The following LIMCH1 variants were observed in gnomAD, a reference collection of about 807,000 sequenced individuals.
The protein encoded by LIMCH1 is LIM and calponin homology domains 1.
Under a neutral mutation model 176.5 loss-of-function variants are expected in LIMCH1, and 113 were observed. That is an observed-to-expected ratio of 0.64 (90% confidence interval 0.55 to 0.75). LIMCH1 has a LOEUF of 0.75. Ranked by LOEUF, LIMCH1 falls within the 30% of genes least tolerant of loss-of-function variation. The pLI is 0.00. For missense variants in LIMCH1, 1,674 were observed against 1,814.9 expected, an observed-to-expected ratio of 0.92 and a Z score of 1.41; for synonymous variants, 619 against 645.9, an observed-to-expected ratio of 0.96 and a Z score of 0.63.
chr4:41,535,640 G>A (rs769622274), upstream of LIMCH1, among the ~76,000 whole-genome samples: 11 of 152,184 alleles, frequency 7.2e-5, no homozygotes, highest in Non-Finnish European at 1.3e-4. Flanking sequence ...AGGAGTTCAA[G>A]ATACGAATTG....
At chr4:41,473,116 T>TA in intron 1 of LIMCH1, 15 of 985,302 alleles carry the variant, frequency 1.5e-5, no homozygotes, top group Non-Finnish European at 1.8e-5. Context: ...CCCAGTGCCA[T>TA]AAAATGACAA....
chr4:41,505,143 A>G (rs192478396), intron 2 of LIMCH1, among the ~76,000 whole-genome samples: 44 of 152,336 alleles, frequency 2.9e-4, no homozygotes, highest in African/African-American at 8.9e-4. Flanking sequence ...CCGTTCGTCT[A>G]TGTAACAGAG....
chr4:41,603,654 G>A (rs555617775), intron 2 of LIMCH1, among the ~76,000 whole-genome samples: 7 of 152,172 alleles, frequency 4.6e-5, no homozygotes, highest in South Asian at 2.1e-4. Context: ...TTTTTATAGC[G>A]TACTGTGGAA....
At chr4:41,428,516 A>C (rs1582009016) in intron 1 of LIMCH1, among the ~76,000 whole-genome samples, 1 of 152,326 alleles carries the variant, frequency 6.6e-6, no homozygotes, top group Non-Finnish European at 1.5e-5. Context: ...AGAGAAAGCA[A>C]GTAAATTGGG....
At chr4:41,512,092 T>C (rs1248726607) in intron 2 of LIMCH1, among the ~76,000 whole-genome samples, 1 of 152,024 alleles carries the variant, frequency 6.6e-6, no homozygotes, top group Non-Finnish European at 1.5e-5. Context: ...ATGGACAAAA[T>C]ATCGGAATAG....
chr4:41,485,240 G>GGATACA (rs1407785242), intron 1 of LIMCH1, among the ~76,000 whole-genome samples: 3 of 152,174 alleles, frequency 2.0e-5, no homozygotes, highest in African/African-American at 7.2e-5. Context: ...AAAGGAAATA[G>GGATACA]GATACAGATG....
intron 1 of LIMCH1, among the ~76,000 whole-genome samples, chr4:41,465,228 C>T (rs1430027734): frequency 6.6e-6 from 1 of 152,092 alleles, no homozygotes; most frequent in Non-Finnish European, 1.5e-5. Context: ...CATTTGTTGC[C>T]TCCTTTTTGG....
At chr4:41,477,153 G>T (rs2154165030) in intron 1 of LIMCH1, among the ~76,000 whole-genome samples, 1 of 152,298 alleles carries the variant, frequency 6.6e-6, no homozygotes, top group Non-Finnish European at 1.5e-5. Context: ...CTAGCTATAG[G>T]AAATTGGGCA....
At chr4:41,508,974 T>C (rs2074504214) in intron 2 of LIMCH1, among the ~76,000 whole-genome samples, 1 of 152,224 alleles carries the variant, frequency 6.6e-6, no homozygotes, top group African/African-American at 2.4e-5. Flanking sequence ...CCTTGTGTAA[T>C]ATAAAGTACA....
intron 31 of LIMCH1, among the ~76,000 whole-genome samples, chr4:41,695,819 G>C (rs1730202289): frequency 6.6e-6 from 1 of 151,968 alleles, no homozygotes; most frequent in Non-Finnish European, 1.5e-5. Context: ...TATACCTTAG[G>C]AATGAATAGG....
chr4:41,466,073 T>C (rs1367380190), intron 1 of LIMCH1, among the ~76,000 whole-genome samples: 1 of 151,838 alleles, frequency 6.6e-6, no homozygotes, highest in Non-Finnish European at 1.5e-5. Flanking sequence ...ATTCTCCCGT[T>C]TCAGCCTCCT....
chr4:41,589,384 G>C (rs968294835), intron 1 of LIMCH1, among the ~76,000 whole-genome samples: 2 of 152,112 alleles, frequency 1.3e-5, no homozygotes. Flanking sequence ...GGGGTGGTGG[G>C]TGGGGGAGAG....
At chr4:41,520,498 C>T (rs1000072272) in intron 2 of LIMCH1, among the ~76,000 whole-genome samples, 1 of 152,114 alleles carries the variant, frequency 6.6e-6, no homozygotes, top group Non-Finnish European at 1.5e-5. Flanking sequence ...AAATTTTCTT[C>T]TTATTTATTT....
Position 41,369,180 on chromosome 4 carries a change from A to G in LIMCH1, c.96+8244A>G, listed in dbSNP as rs567392967. Among the ~76,000 whole-genome samples the G allele has an allele frequency of 2.0e-5, 3 of 151,682 alleles. No homozygotes were observed. The South Asian group carries it at 6.3e-4, about 32-fold the overall frequency. On this transcript the variant is annotated intron_variant, in intron 1 of 26. Transcript: ENST00000313860. The stretch of plus-strand genomic sequence containing the variant: ...TCAACACTTGAACTACCATTCTTAG[A>G]CCCCCTCCCCCATCTTCCCAGTCTA...
At chr4:41,425,308 C>G (rs879369866) in intron 1 of LIMCH1, among the ~76,000 whole-genome samples, 1 of 152,170 alleles carries the variant, frequency 6.6e-6, no homozygotes. Context: ...ATCCTCTTCT[C>G]TTGGTCTTGG....
intron 1 of LIMCH1, among the ~76,000 whole-genome samples, chr4:41,466,704 A>G (rs1349140531): frequency 1.3e-5 from 2 of 152,156 alleles, no homozygotes; most frequent in African/African-American, 4.8e-5. Context: ...TATTTTCGGA[A>G]TATACCTTCT....
intron 1 of LIMCH1, among the ~76,000 whole-genome samples, chr4:41,581,711 C>A (rs532646769): frequency 6.8e-6 from 1 of 146,556 alleles, no homozygotes; most frequent in African/African-American, 2.5e-5. Flanking sequence ...GAGGTTGAGG[C>A]AGGAGAATCG....
chr4:41,438,758 A>G (rs994856708), intron 1 of LIMCH1, among the ~76,000 whole-genome samples: 2 of 151,954 alleles, frequency 1.3e-5, no homozygotes, highest in African/African-American at 4.8e-5. Flanking sequence ...CTGACTGCAC[A>G]GGATCAGCAT....
At chr4:41,689,443 T>C (rs764341608) in intron 29 of LIMCH1, 84 bp from the exon 30 acceptor site, 6 of 713,166 alleles carry the variant, frequency 8.4e-6, no homozygotes, top group Non-Finnish European at 1.3e-5. Flanking sequence ...CATATTTTCA[T>C]TTTTGCATGA....
Sources: gnomAD v4.1 joint callset for allele counts (sites outside exome capture counted in the v4.1 genomes callset) on GRCh38, gnomAD v4.1.1 for gene constraint, MANE v1.5 for transcripts, NCBI Gene and HGNC (gene_info 2026-07-23, HGNC 2026-07-21) for gene names.